FBXL7: variants seen among roughly 807,000 people sequenced by gnomAD.
FBXL7 encodes the protein F-box/LRR-repeat protein 7.
In FBXL7, 12 loss-of-function variants were observed where a neutral mutation model predicts 38.3. That is an observed-to-expected ratio of 0.31 (90% CI 0.20 to 0.51). FBXL7 has a LOEUF of 0.51. Among genes scored for constraint, FBXL7 ranks in the 20% least tolerant of loss-of-function variants. The probability of loss-of-function intolerance (pLI) is 0.98; values close to 1 mark genes in which losing one functional copy is unlikely to be tolerated. For synonymous variants in FBXL7, 297 were observed against 300.9 expected, an observed-to-expected ratio of 0.99 and a Z score of 0.13; for missense variants, 567 against 676.4, an observed-to-expected ratio of 0.84 and a Z score of 1.79.
chr5:15,783,103 C>T (rs73752305), intron 2 of FBXL7, among the ~76,000 whole-genome samples: 1,720 of 152,118 alleles, frequency 0.011, 32 homozygotes, highest in African/African-American at 0.039. Flanking sequence ...AAGAGAGAAG[C>T]AACGAAGTTG....
intron 2 of FBXL7, among the ~76,000 whole-genome samples, chr5:15,914,325 G>A (rs1430259661): frequency 2.0e-5 from 3 of 149,268 alleles, no homozygotes; most frequent in Non-Finnish European, 4.4e-5. Flanking sequence ...GGCAGAGCTT[G>A]CAGTGAGCCG....
chr5:15,808,513 C>A (rs1218584128), intron 2 of FBXL7, among the ~76,000 whole-genome samples: 2 of 152,256 alleles, frequency 1.3e-5, no homozygotes, highest in East Asian at 3.9e-4. Flanking sequence ...GTGTATTTCC[C>A]ACTGTGTATC....
intron 2 of FBXL7, among the ~76,000 whole-genome samples, chr5:15,864,906 C>A (rs191467198): frequency 1.3e-5 from 2 of 152,272 alleles, no homozygotes; most frequent in South Asian, 2.1e-4. Context: ...AAGATGGAGT[C>A]TATTGGCTGC....
intron 2 of FBXL7, among the ~76,000 whole-genome samples, chr5:15,751,449 A>G (rs1463824725): frequency 6.6e-6 from 1 of 152,198 alleles, no homozygotes; most frequent in East Asian, 1.9e-4. Flanking sequence ...CAAGGGAGTC[A>G]TTTATAGACT....
intron 2 of FBXL7, among the ~76,000 whole-genome samples, chr5:15,753,586 A>G (rs1736210839): frequency 6.6e-6 from 1 of 152,162 alleles, no homozygotes; most frequent in African/African-American, 2.4e-5. Context: ...GATCAAATCC[A>G]TAGATCTACA....
chr5:15,634,313 CT>C (rs57823645), intron 2 of FBXL7, among the ~76,000 whole-genome samples: 12,899 of 111,844 alleles, frequency 0.12, 679 homozygotes, highest in South Asian at 0.15. Context: ...ATGTTCGTTT[CT>C]TTTTTTTTTT....
intron 2 of FBXL7, among the ~76,000 whole-genome samples, chr5:15,792,338 T>C (rs969957114): frequency 6.6e-6 from 1 of 152,152 alleles, no homozygotes; most frequent in African/African-American, 2.4e-5. Context: ...GTGAACCCAG[T>C]TAGTCATGTG....
chr5:15,643,942 C>T (rs1741446643), intron 2 of FBXL7, among the ~76,000 whole-genome samples: 2 of 152,052 alleles, frequency 1.3e-5, no homozygotes, highest in Non-Finnish European at 2.9e-5. Flanking sequence ...CTTTATAAAG[C>T]CAAGATAAAT....
At chr5:15,723,643 TGTA>T (rs1399397138) in intron 2 of FBXL7, among the ~76,000 whole-genome samples, 1 of 152,196 alleles carries the variant, frequency 6.6e-6, no homozygotes, top group Admixed American at 6.5e-5. Flanking sequence ...TTTAGTAAAA[TGTA>T]GTAACATAAT....
At chr5:15,670,828 AAAAT>A (rs1322140555) in intron 2 of FBXL7, among the ~76,000 whole-genome samples, 5 of 151,856 alleles carry the variant, frequency 3.3e-5, no homozygotes, top group East Asian at 1.9e-4. Context: ...AAATAAAAAA[AAAAT>A]AAATAAAAAG....
chr5:15,695,878 C>T (rs7725413), intron 2 of FBXL7, among the ~76,000 whole-genome samples: 112,928 of 152,064 alleles, frequency 0.74, 42,275 homozygotes, highest in East Asian at 0.88. Flanking sequence ...GGTTCGAGAG[C>T]TGAGTTCTCC....
intron 2 of FBXL7, among the ~76,000 whole-genome samples, chr5:15,779,157 G>C (rs1367002685): frequency 6.6e-6 from 1 of 152,012 alleles, no homozygotes; most frequent in Non-Finnish European, 1.5e-5. Context: ...CATGGAGTTG[G>C]AGAGTTTCAG....
chr5:15,501,780 C>T, intron 1 of FBXL7: 2 of 977,854 alleles, frequency 2.0e-6, no homozygotes, highest in Non-Finnish European at 2.4e-6. Context: ...GAAACCGACC[C>T]TACAAAAACC....
intron 2 of FBXL7, among the ~76,000 whole-genome samples, chr5:15,689,267 G>GTTTT (rs34173414): frequency 3.5e-5 from 5 of 142,574 alleles, no homozygotes; most frequent in Non-Finnish European, 3.0e-5. Flanking sequence ...TTTATTTTCA[G>GTTTT]TTTTTTTTTT....
intron 2 of FBXL7, among the ~76,000 whole-genome samples, chr5:15,687,888 A>G (rs571919523): frequency 6.6e-6 from 1 of 152,228 alleles, no homozygotes. Flanking sequence ...GGATGATAGT[A>G]CTAAGAATTG....
intron 1 of FBXL7, among the ~76,000 whole-genome samples, chr5:15,534,122 C>G (rs1215739816): frequency 6.6e-6 from 1 of 151,802 alleles, no homozygotes; most frequent in East Asian, 1.9e-4. Context: ...ACTGTTGACA[C>G]CCCCCCACCA....
chr5:15,919,333 T>C (rs1317420314), intron 2 of FBXL7, among the ~76,000 whole-genome samples: 2 of 152,172 alleles, frequency 1.3e-5, no homozygotes, highest in Non-Finnish European at 2.9e-5. Flanking sequence ...CTAATAAGCA[T>C]GTGTGTCTGA....
chr5:15,694,918 GCTCAGCAAGGGC>G (rs1743288107), intron 2 of FBXL7, among the ~76,000 whole-genome samples: 1 of 152,170 alleles, frequency 6.6e-6, no homozygotes, highest in African/African-American at 2.4e-5. Context: ...TACAGGAACA[GCTCAGCAAGGGC>G]CTTGTAGAGA....
At chr5:15,792,669 C>T (rs939500619) in intron 2 of FBXL7, among the ~76,000 whole-genome samples, 9 of 152,142 alleles carry the variant, frequency 5.9e-5, no homozygotes, top group Non-Finnish European at 1.2e-4. Context: ...GGAAAACTGA[C>T]TCAAGGACCC....
Sources: gnomAD v4.1 joint callset for allele counts (sites outside exome capture counted in the v4.1 genomes callset) on GRCh38, gnomAD v4.1.1 for gene constraint, MANE v1.5 for transcripts, NCBI Gene and HGNC (gene_info 2026-07-23, HGNC 2026-07-21) for gene names.